Variants in P2RX5 observed in about 807,000 individuals in gnomAD.
P2RX5 encodes the protein P2X purinoceptor 5.
In P2RX5, 46 loss-of-function variants were observed where a neutral mutation model predicts 54.1. The observed-to-expected ratio is 0.85, with a 90% confidence interval of 0.67 to 1.09. The LOEUF (loss-of-function observed/expected upper bound fraction) is 1.09. Ranked by LOEUF, P2RX5 falls within the 50% of genes least tolerant of loss-of-function variation. P2RX5 has a pLI of 0.00. For synonymous variants in P2RX5, 226 were observed against 226.4 expected, an observed-to-expected ratio of 1.00 and a Z score of 0.02; for missense variants, 566 against 549.8, an observed-to-expected ratio of 1.03 and a Z score of -0.29.
chr17:3,683,711 C>G (rs1434843026), intron 9 of P2RX5, among the ~76,000 whole-genome samples: 1 of 129,470 alleles, frequency 7.7e-6, no homozygotes, highest in Non-Finnish European at 1.6e-5. Context: ...GCCTGGGCGA[C>G]AGAGTGAGAC....
chr17:3,691,047 C>T lies in P2RX5; in HGVS notation c.289-20G>A. 2 of 1,587,248 alleles carry T rather than the reference C, an allele frequency of 1.3e-6. No homozygotes were observed. Among genetic ancestry groups the T allele is most frequent in the African/African-American group, 2.7e-5 (2 of 74,598 alleles). ...CTCTCCCTAAGGAACCAGAGAGGCA[C>T]TGAGGAACCTCCTCCTGCCCCTTAG... is the stretch of plus-strand genomic sequence containing the variant. On this transcript the variant is annotated intron_variant, in intron 2 of 11. Coordinates refer to ENST00000225328, the MANE Select transcript of P2RX5 (RefSeq NM_002561.4).
At chr17:3,723,623 T>C in the P2RX5 span, 1 of 1,456,624 alleles carries the variant, frequency 6.9e-7, no homozygotes, top group Non-Finnish European at 9.2e-7. Context: ...AACAGTCTCC[T>C]GGCCTCTCGT....
the P2RX5 span, among the ~76,000 whole-genome samples, chr17:3,703,067 C>T: frequency 6.6e-6 from 1 of 152,194 alleles, no homozygotes; most frequent in Admixed American, 6.5e-5. Context: ...TGGGGGAAAC[C>T]AGACTCTCCT....
chr17:3,716,596 G>A, the P2RX5 span: 3 of 761,362 alleles, frequency 3.9e-6, no homozygotes, highest in South Asian at 4.8e-5. Flanking sequence ...CAGGGCAGCT[G>A]CTCTAAGTCA....
chr17:3,717,115 A>C, the P2RX5 span: 1 of 275,566 alleles, frequency 3.6e-6, no homozygotes, highest in Non-Finnish European at 7.0e-6. Flanking sequence ...ATCCGGTCTC[A>C]ACACAGGACT....
At chr17:3,703,994 C>T in the P2RX5 span, among the ~76,000 whole-genome samples, 4 of 151,940 alleles carry the variant, frequency 2.6e-5, no homozygotes, top group South Asian at 4.2e-4. Flanking sequence ...CCCAGCTACT[C>T]GGGAGGCTGA....
chr17:3,719,056 A>AAAAATG, the P2RX5 span, among the ~76,000 whole-genome samples: 1 of 151,842 alleles, frequency 6.6e-6, no homozygotes, highest in Non-Finnish European at 1.5e-5. Flanking sequence ...ACATGGTGAA[A>AAAAATG]TCCTGTCTCT....
chr17:3,698,201 G>A (rs2134633), upstream of P2RX5, among the ~76,000 whole-genome samples: 3,453 of 151,930 alleles, frequency 0.023, 136 homozygotes, highest in African/African-American at 0.08. Context: ...AGCCGCCACC[G>A]AGTGACATCA....
intron 8 of P2RX5, among the ~76,000 whole-genome samples, chr17:3,688,362 G>A (rs1004110470): frequency 8.5e-5 from 13 of 152,178 alleles, no homozygotes; most frequent in Non-Finnish European, 4.4e-5. Flanking sequence ...GCCAAAGCGC[G>A]GATGGAAAGG....
At chr17:3,708,316 A>T in the P2RX5 span, among the ~76,000 whole-genome samples, 6 of 152,228 alleles carry the variant, frequency 3.9e-5, no homozygotes, top group Non-Finnish European at 7.4e-5. Context: ...AATCACCCTT[A>T]CTTGCCCAAA....
intron 10 of P2RX5, among the ~76,000 whole-genome samples, chr17:3,681,364 C>T (rs1485756076): frequency 6.6e-6 from 1 of 152,142 alleles, no homozygotes; most frequent in African/African-American, 2.4e-5. Context: ...CCCCTTCCCG[C>T]CCTCCCACAG....
At chr17:3,704,025 C>T in the P2RX5 span, among the ~76,000 whole-genome samples, 1 of 152,100 alleles carries the variant, frequency 6.6e-6, no homozygotes, top group African/African-American at 2.4e-5. Flanking sequence ...TTGCTTGAAC[C>T]CAGGAGGCAG....
rs780679419 is a variant in P2RX5 at position 3,679,652 on chromosome 17, C to T, written c.1197G>A (p.Lys399=). 3 of 1,610,756 alleles carry T rather than the reference C, an allele frequency of 1.9e-6. No individual in the cohort carries two copies. Among genetic ancestry groups the T allele is most frequent in the East Asian group, 2.2e-5 (1 of 44,888 alleles). ...TCCCCTTCTGACTGCTGCTTCCACGCTTCGCCTCGGGTGGCTCCTGCAGCT... is the reference window on the plus strand; with the variant it reads ...TCCCCTTCTGACTGCTGCTTCCACGTTTCGCCTCGGGTGGCTCCTGCAGCT... ...QQELQEPPEA[K]RGSSSQKGNG... Residue 399 remains lysine, a synonymous_variant, in exon 11 of 12, where the codon AAG becomes AAA. Transcript: ENST00000225328.
chr17:3,674,978 C>G (rs753176969), intron 11 of P2RX5, among the ~76,000 whole-genome samples: 2 of 152,194 alleles, frequency 1.3e-5, no homozygotes, highest in East Asian at 3.8e-4. Context: ...TGGTCCAACA[C>G]CTGACATGTC....
At chr17:3,710,860 G>A in the P2RX5 span, among the ~76,000 whole-genome samples, 2 of 152,178 alleles carry the variant, frequency 1.3e-5, no homozygotes, top group Admixed American at 1.3e-4. Flanking sequence ...CCCAGAAGGC[G>A]GAGGTTGCAA....
chr17:3,720,406 G>C, the P2RX5 span: 2 of 1,306,362 alleles, frequency 1.5e-6, no homozygotes, highest in Non-Finnish European at 2.2e-6. Context: ...TTAGTAACTA[G>C]AAGATGGGGA....
chr17:3,691,576 C>T lies in P2RX5; in HGVS notation c.288+68G>A, dbSNP rs770591412. On this transcript the variant is annotated intron_variant, in intron 2 of 11. Coordinates refer to ENST00000225328, the MANE Select transcript of P2RX5 (RefSeq NM_002561.4). ...GGGTCCCTGCGTATCCAAGAAGCTT[C>T]CCGTGTGACCCACCCGAACCAGGCA... The T allele has an allele frequency of 6.2e-4, 992 of 1,594,540 alleles. 1 individual carries two copies. The highest frequency in any genetic ancestry group is 8.1e-4 in the Non-Finnish European group (947 of 1,163,738).
chr17:3,675,204 T>A (rs2050075448), intron 11 of P2RX5: 1 of 236,188 alleles, frequency 4.2e-6, no homozygotes. Flanking sequence ...CACGCCCAGC[T>A]ATTTTTTTGT....
the P2RX5 span, chr17:3,717,010 C>T: frequency 2.1e-6 from 1 of 480,332 alleles, no homozygotes; most frequent in African/African-American, 2.0e-5. Context: ...TCGTAAGAAA[C>T]TATTCTGGCC....
Sources: gnomAD v4.1 joint callset for allele counts (sites outside exome capture counted in the v4.1 genomes callset) on GRCh38, gnomAD v4.1.1 for gene constraint, MANE v1.5 for transcripts, NCBI Gene and HGNC (gene_info 2026-07-23, HGNC 2026-07-21) for gene names.